Variants in GRID1 observed in about 807,000 individuals in gnomAD.
GRID1 encodes the protein glutamate receptor ionotropic, delta-1.
In GRID1, 28 loss-of-function variants were observed where a neutral mutation model predicts 98.0. The observed-to-expected ratio is 0.29, with a 90% confidence interval of 0.21 to 0.39. The LOEUF (loss-of-function observed/expected upper bound fraction) is 0.39, where lower values mean the gene tolerates loss of function less well. Ranked by LOEUF, GRID1 falls within the 10% of genes least tolerant of loss-of-function variation. The pLI is 1.00. For missense variants in GRID1, 1,111 were observed against 1,340.5 expected (o/e 0.83, Z 2.67); for synonymous variants, 553 against 538.5 (o/e 1.03, Z -0.37).
rs183892451 is a variant in GRID1, at chr10:85,998,406, A to G, written c.727-82167T>C. Among the ~76,000 whole-genome samples, 20 of 152,342 alleles carry G rather than the reference A, an allele frequency of 1.3e-4. No homozygotes were observed. In the East Asian group the frequency reaches 3.1e-3, roughly 23 times the overall value. On this transcript the variant is annotated intron_variant, in intron 4 of 15. Coordinates refer to ENST00000327946, the MANE Select transcript of GRID1 (RefSeq NM_017551.3). ...ATAATCCATGGGTGAAAAAAAGTCT[A>G]AAGAAAAATTAGAAAATATTTTGAA...
At chr10:85,887,155 G>A (rs143232771) in intron 5 of GRID1, among the ~76,000 whole-genome samples, 1 of 152,322 alleles carries the variant, frequency 6.6e-6, no homozygotes, top group African/African-American at 2.4e-5. Context: ...GAAGTCAACA[G>A]GGTTTTCAGA....
chr10:86,006,801 A>G (rs1321234893), intron 4 of GRID1, among the ~76,000 whole-genome samples: 3 of 138,110 alleles, frequency 2.2e-5, no homozygotes, highest in South Asian at 4.7e-4. Context: ...CTTGAAGACA[A>G]TTAAAAAAAA....
At chr10:85,936,084 G>C (rs1841921940) in intron 4 of GRID1, among the ~76,000 whole-genome samples, 1 of 152,136 alleles carries the variant, frequency 6.6e-6, no homozygotes, top group African/African-American at 2.4e-5. Context: ...TCTATGGAGG[G>C]GTGGGGTGCA....
intron 5 of GRID1, among the ~76,000 whole-genome samples, chr10:85,886,446 T>G (rs1841119050): frequency 6.6e-6 from 1 of 152,188 alleles, no homozygotes; most frequent in Non-Finnish European, 1.5e-5. Context: ...AAAACAACCT[T>G]ACTGATTCAC....
chr10:85,845,338 T>A (rs1198148766), intron 8 of GRID1, among the ~76,000 whole-genome samples: 1 of 152,058 alleles, frequency 6.6e-6, no homozygotes, highest in Non-Finnish European at 1.5e-5. Context: ...TATCCAGGAA[T>A]AAATCAAACA....
intron 8 of GRID1, among the ~76,000 whole-genome samples, chr10:85,737,439 C>T (rs977063716): frequency 6.6e-6 from 1 of 151,670 alleles, no homozygotes; most frequent in Admixed American, 6.6e-5. Context: ...TGGAAATGCT[C>T]AAGCTCTAGC....
At position 85,602,652 on chromosome 10, in the gene GRID1, A is replaced by G; in HGVS notation, c.2651T>C (p.Met884Thr). 1.2e-6 allele frequency: 2 copies of G among 1,613,852 alleles called. No individual in the cohort carries two copies. Among genetic ancestry groups the G allele is most frequent in the African/African-American group, 1.3e-5 (1 of 75,014 alleles). ...EQVHRRMNSL[M>T]DEDIAHKQIS... ...CTGCTTGTGAGCAATGTCTTCATCC[A>G]TGAGGCTGTTCATGCGCCGGTGGAC... The change falls in exon 16 of 16, where the codon ATG (methionine) becomes ACG (threonine). Residue 884 changes from methionine to threonine, a missense_variant. Transcript: ENST00000327946.
intron 8 of GRID1, among the ~76,000 whole-genome samples, chr10:85,830,286 T>G (rs978709468): frequency 6.6e-6 from 1 of 152,174 alleles, no homozygotes; most frequent in Non-Finnish European, 1.5e-5. Context: ...ACCCCTTCCT[T>G]ACATCATATT....
At chr10:86,337,020 GT>G (rs58117114) in intron 2 of GRID1, among the ~76,000 whole-genome samples, 38,847 of 146,574 alleles carry the variant, frequency 0.27, 7,010 homozygotes, top group East Asian at 0.5. Flanking sequence ...GTTTTTTGCA[GT>G]TTTTTTTTTT....
intron 2 of GRID1, among the ~76,000 whole-genome samples, chr10:86,249,018 T>C (rs1388107668): frequency 6.6e-6 from 1 of 152,156 alleles, no homozygotes; most frequent in Non-Finnish European, 1.5e-5. Flanking sequence ...GATAGCTGCC[T>C]CCCTCACTGG....
At chr10:85,854,346 C>T in intron 8 of GRID1, 150 bp downstream of exon 8, 2 of 736,008 alleles carry the variant, frequency 2.7e-6, no homozygotes, top group Non-Finnish European at 4.5e-6. Flanking sequence ...CCTATAAACA[C>T]CAGCCAATGG....
At chr10:85,691,669 C>A (rs1475231786) in intron 12 of GRID1, among the ~76,000 whole-genome samples, 1 of 152,238 alleles carries the variant, frequency 6.6e-6, no homozygotes, top group African/African-American at 2.4e-5. Context: ...GCATCTATTA[C>A]AATCAATTTC....
At chr10:85,884,305 T>G (rs1841080857) in intron 5 of GRID1, among the ~76,000 whole-genome samples, 1 of 152,210 alleles carries the variant, frequency 6.6e-6, no homozygotes, top group South Asian at 2.1e-4. Flanking sequence ...CTCATGACCC[T>G]GGTCTTTTTC....
intron 4 of GRID1, among the ~76,000 whole-genome samples, chr10:86,069,725 G>A (rs115051318): frequency 0.043 from 6,509 of 152,278 alleles, 164 homozygotes; most frequent in Middle Eastern, 0.068. Context: ...GTAAGACCAT[G>A]CTGAACCTTG....
chr10:86,265,538 G>A lies in GRID1; in HGVS notation c.236-58890C>T, dbSNP rs929561044. 2.0e-5 allele frequency among the ~76,000 whole-genome samples: 3 copies of A among 152,296 alleles called. No individual in the cohort carries two copies. The East Asian group carries it at 5.8e-4, about 29-fold the overall frequency. ...AGATGTGTCTGAATCCAGAGCCCCA[G>A]GTCTTACCACCAGCCCTGCCACGTG... On this transcript the variant is annotated intron_variant, in intron 2 of 15. Coordinates refer to ENST00000327946, the MANE Select transcript of GRID1 (RefSeq NM_017551.3).
intron 4 of GRID1, among the ~76,000 whole-genome samples, chr10:86,131,142 A>G (rs1844830477): frequency 6.6e-6 from 1 of 152,008 alleles, no homozygotes; most frequent in Non-Finnish European, 1.5e-5. Context: ...AATTTAGATA[A>G]TCTCTCTCAT....
chr10:86,260,426 T>C (rs1564721991), intron 2 of GRID1, among the ~76,000 whole-genome samples: 1 of 152,178 alleles, frequency 6.6e-6, no homozygotes, highest in Non-Finnish European at 1.5e-5. Context: ...CTCTAAGAAC[T>C]TCTATGCTCC....
intron 12 of GRID1, among the ~76,000 whole-genome samples, chr10:85,672,591 C>T (rs1564555112): frequency 6.6e-6 from 1 of 152,034 alleles, no homozygotes; most frequent in Non-Finnish European, 1.5e-5. Flanking sequence ...CAGGCATGAG[C>T]CCCCACGCCC....
intron 5 of GRID1, among the ~76,000 whole-genome samples, chr10:85,875,718 C>T (rs1290209184): frequency 1.3e-5 from 2 of 152,144 alleles, no homozygotes; most frequent in East Asian, 1.9e-4. Flanking sequence ...TTACTCTCTT[C>T]TTTAATGTTT....
Sources: allele counts gnomAD v4.1 joint callset (sites outside exome capture counted in the v4.1 genomes callset), GRCh38; gene constraint gnomAD v4.1.1; transcripts MANE v1.5; gene names NCBI Gene and HGNC (gene_info 2026-07-23, HGNC 2026-07-21).